Variants in SGCZ observed in about 807,000 individuals in gnomAD.
SGCZ encodes the protein zeta-sarcoglycan.
A neutral mutation model predicts 41.3 loss-of-function variants in SGCZ; 40 were observed. That is an observed-to-expected ratio of 0.97 (90% confidence interval 0.75 to 1.26). SGCZ has a LOEUF of 1.26. Among genes scored for constraint, SGCZ ranks in the 50% most tolerant of loss-of-function variants. The pLI, the probability that SGCZ is intolerant of heterozygous loss-of-function variation, is 0.00. For missense variants in SGCZ, 552 were observed against 369.8 expected (o/e 1.49, Z -4.04); for synonymous variants, 206 against 137.5 (o/e 1.50, Z -3.49).
intron 3 of SGCZ, among the ~76,000 whole-genome samples, chr8:14,269,167 A>C (rs936124136): frequency 1.3e-5 from 2 of 152,124 alleles, no homozygotes; most frequent in African/African-American, 4.8e-5. Context: ...ATTAGAGAGC[A>C]GCTTAAGGTT....
intron 1 of SGCZ, among the ~76,000 whole-genome samples, chr8:14,883,797 T>TC (rs397891233): frequency 1.4e-5 from 2 of 145,466 alleles, no homozygotes; most frequent in Non-Finnish European, 3.0e-5. Flanking sequence ...TTTTTTTTTT[T>TC]CCAATAGTAC....
intron 1 of SGCZ, among the ~76,000 whole-genome samples, chr8:14,744,710 C>G (rs1339149252): frequency 6.6e-6 from 1 of 152,090 alleles, no homozygotes; most frequent in African/African-American, 2.4e-5. Context: ...AAAAGGGAAT[C>G]TGATTTCCCT....
At chr8:14,840,386 A>T (rs62493319) in intron 1 of SGCZ, among the ~76,000 whole-genome samples, 20,163 of 152,126 alleles carry the variant, frequency 0.13, 1,728 homozygotes, top group East Asian at 0.29. Context: ...ATTCACATTG[A>T]TTTATTTGAA....
chr8:14,152,324 C>G (rs946207220), intron 5 of SGCZ, among the ~76,000 whole-genome samples: 41 of 152,050 alleles, frequency 2.7e-4, no homozygotes, highest in African/African-American at 8.9e-4. Context: ...CAAATAAACA[C>G]ATAAAAAGGT....
At chr8:14,401,254 A>G (rs992160749) in intron 2 of SGCZ, among the ~76,000 whole-genome samples, 1 of 151,684 alleles carries the variant, frequency 6.6e-6, no homozygotes, top group Admixed American at 6.6e-5. Context: ...TCAAATATAC[A>G]TACATATATA....
intron 1 of SGCZ, among the ~76,000 whole-genome samples, chr8:14,809,800 T>C (rs1801685712): frequency 6.6e-6 from 1 of 152,054 alleles, no homozygotes; most frequent in Admixed American, 6.6e-5. Flanking sequence ...AACAGAAAAG[T>C]CAACATTAGC....
chr8:14,517,791 G>A (rs1263425767), intron 2 of SGCZ, among the ~76,000 whole-genome samples: 1 of 151,316 alleles, frequency 6.6e-6, no homozygotes, highest in East Asian at 1.9e-4. Context: ...ATTTTTGATA[G>A]CTTTTTTTGA....
chr8:14,228,001 G>A (rs920564848), intron 4 of SGCZ, among the ~76,000 whole-genome samples: 1 of 151,248 alleles, frequency 6.6e-6, no homozygotes, highest in African/African-American at 2.4e-5. Context: ...GGGCTTGGGT[G>A]CCACCTCATT....
intron 2 of SGCZ, among the ~76,000 whole-genome samples, chr8:14,544,201 T>G (rs1803555002): frequency 6.6e-6 from 1 of 152,118 alleles, no homozygotes; most frequent in Non-Finnish European, 1.5e-5. Flanking sequence ...AATAATAATT[T>G]TATAATTTCT....
At chr8:14,441,198 C>T (rs1266940829) in intron 2 of SGCZ, among the ~76,000 whole-genome samples, 2 of 152,124 alleles carry the variant, frequency 1.3e-5, no homozygotes, top group East Asian at 1.9e-4. Context: ...TTTCTGTAAA[C>T]TTTAAATCAT....
intron 1 of SGCZ, among the ~76,000 whole-genome samples, chr8:14,750,080 T>G (rs2130312815): frequency 6.6e-6 from 1 of 152,326 alleles, no homozygotes; most frequent in South Asian, 2.1e-4. Context: ...TTTCTTGGTC[T>G]TAATAGTCCA....
At chr8:14,648,600 T>C (rs1016640397) in intron 1 of SGCZ, among the ~76,000 whole-genome samples, 1 of 152,088 alleles carries the variant, frequency 6.6e-6, no homozygotes, top group Admixed American at 6.6e-5. Flanking sequence ...AAGAAAAGGT[T>C]TTTTGTTTTT....
intron 2 of SGCZ, among the ~76,000 whole-genome samples, chr8:14,409,446 C>G (rs781235912): frequency 1.3e-5 from 2 of 151,634 alleles, no homozygotes; most frequent in African/African-American, 4.8e-5. Context: ...CTTAGACACT[C>G]AGCGTTTGGT....
intron 3 of SGCZ, among the ~76,000 whole-genome samples, chr8:14,315,910 CAAAA>C (rs1467669329): frequency 6.6e-6 from 1 of 150,838 alleles, no homozygotes; most frequent in Non-Finnish European, 1.5e-5. Context: ...AGGAAAAACA[CAAAA>C]AGGCAACATT....
chr8:14,767,541 TG>T (rs1326810532), intron 1 of SGCZ, among the ~76,000 whole-genome samples: 1 of 152,208 alleles, frequency 6.6e-6, no homozygotes, highest in Non-Finnish European at 1.5e-5. Flanking sequence ...GAATGCAGAT[TG>T]TAATGAGCTG....
intron 1 of SGCZ, among the ~76,000 whole-genome samples, chr8:14,831,505 A>C (rs954865295): frequency 1.2e-4 from 19 of 152,092 alleles, no homozygotes; most frequent in Admixed American, 1.2e-3. Flanking sequence ...CATCGACTTG[A>C]ACTTCAGTCT....
chr8:15,112,658 G>A (rs1011293307), intron 1 of SGCZ, among the ~76,000 whole-genome samples: 3 of 152,150 alleles, frequency 2.0e-5, no homozygotes, highest in Admixed American at 6.5e-5. Context: ...CCACCATGCC[G>A]TGAGGAAGTC....
At chr8:14,140,951 A>G (rs1444488636) in intron 5 of SGCZ, among the ~76,000 whole-genome samples, 1 of 152,190 alleles carries the variant, frequency 6.6e-6, no homozygotes, top group Middle Eastern at 3.2e-3. Context: ...CCAAAGCAGC[A>G]TGTTACTGGT....
intron 7 of SGCZ, among the ~76,000 whole-genome samples, chr8:14,097,844 G>T (rs1341858044): frequency 6.6e-6 from 1 of 152,030 alleles, no homozygotes; most frequent in African/African-American, 2.4e-5. Flanking sequence ...ATTATGTAAT[G>T]CCCTTCTTTG....
Sources: gnomAD v4.1 joint callset for allele counts (sites outside exome capture counted in the v4.1 genomes callset) on GRCh38, gnomAD v4.1.1 for gene constraint, MANE v1.5 for transcripts, NCBI Gene and HGNC (gene_info 2026-07-23, HGNC 2026-07-21) for gene names.